Variants in PTPRK observed in about 807,000 individuals in gnomAD.
The protein encoded by PTPRK is protein tyrosine phosphatase receptor type K, also known as receptor-type tyrosine-protein phosphatase kappa.
Under a neutral mutation model 178.0 loss-of-function variants are expected in PTPRK, and 75 were observed. That is an observed-to-expected ratio of 0.42 (90% CI 0.35 to 0.51). The LOEUF is 0.51. Among genes scored for constraint, PTPRK ranks in the 20% least tolerant of loss-of-function variants. The pLI is 0.02. For synonymous variants in PTPRK, 637 were observed against 620.6 expected (o/e 1.03, Z -0.39); for missense variants, 1,441 against 1,797.8 (o/e 0.80, Z 3.59).
chr6:128,214,344 T>C (rs1808822363), intron 6 of PTPRK, among the ~76,000 whole-genome samples: 1 of 152,122 alleles, frequency 6.6e-6, no homozygotes, highest in South Asian at 2.1e-4. Flanking sequence ...GGTAACACCC[T>C]TCTCCAATAG....
chr6:128,202,543 A>C (rs1227602517), intron 6 of PTPRK, among the ~76,000 whole-genome samples: 1 of 152,154 alleles, frequency 6.6e-6, no homozygotes, highest in Non-Finnish European at 1.5e-5. Context: ...GTTGTTCTGC[A>C]GGCCCCACTT....
chr6:128,344,931 GATT>G (rs1156935698), intron 2 of PTPRK, among the ~76,000 whole-genome samples: 2 of 151,700 alleles, frequency 1.3e-5, no homozygotes, highest in East Asian at 3.9e-4. Flanking sequence ...AAAACAATTT[GATT>G]ATATGATAAA....
chr6:127,994,018 A>G (rs111973256), intron 18 of PTPRK, among the ~76,000 whole-genome samples: 121 of 151,822 alleles, frequency 8.0e-4, no homozygotes, highest in African/African-American at 2.8e-3. Flanking sequence ...AGAACTGTTG[A>G]TTTTTTTATT....
intron 3 of PTPRK, among the ~76,000 whole-genome samples, chr6:128,309,622 C>A (rs913069887): frequency 6.6e-6 from 1 of 152,042 alleles, no homozygotes; most frequent in Non-Finnish European, 1.5e-5. Flanking sequence ...TTCTCATCAG[C>A]CTCTTTGTTT....
intron 2 of PTPRK, among the ~76,000 whole-genome samples, chr6:128,358,003 G>T (rs772787809): frequency 6.6e-6 from 1 of 152,110 alleles, no homozygotes; most frequent in Non-Finnish European, 1.5e-5. Context: ...ACCCAGGATA[G>T]GCCCACTCAG....
At chr6:128,307,555 AC>A (rs1826612761) in intron 3 of PTPRK, among the ~76,000 whole-genome samples, 1 of 152,028 alleles carries the variant, frequency 6.6e-6, no homozygotes, top group African/African-American at 2.4e-5. Flanking sequence ...CCAAGCCAAG[AC>A]AAGCATGTAT....
intron 7 of PTPRK, among the ~76,000 whole-genome samples, chr6:128,177,021 G>C (rs1358360723): frequency 6.6e-6 from 1 of 151,472 alleles, no homozygotes; most frequent in African/African-American, 2.4e-5. Flanking sequence ...ATATGAATAG[G>C]GTGTGAGAAT....
intron 2 of PTPRK, among the ~76,000 whole-genome samples, chr6:128,356,400 G>C (rs771134754): frequency 6.6e-6 from 1 of 152,134 alleles, no homozygotes; most frequent in South Asian, 2.1e-4. Flanking sequence ...TCTGACAGCT[G>C]AAACTAGTTT....
chr6:128,073,719 C>T (rs565737356), intron 11 of PTPRK, among the ~76,000 whole-genome samples: 2 of 152,080 alleles, frequency 1.3e-5, no homozygotes, highest in South Asian at 4.2e-4. Flanking sequence ...ATACTTCCTC[C>T]TATTTTTGAT....
intron 3 of PTPRK, among the ~76,000 whole-genome samples, chr6:128,318,878 T>C (rs1469251596): frequency 2.0e-5 from 3 of 152,162 alleles, no homozygotes; most frequent in Non-Finnish European, 4.4e-5. Flanking sequence ...GCAATCAATT[T>C]AAGAATCTAC....
intron 6 of PTPRK, among the ~76,000 whole-genome samples, chr6:128,204,014 A>C: frequency 6.6e-6 from 1 of 152,324 alleles, no homozygotes; most frequent in East Asian, 1.9e-4. Flanking sequence ...ATACTACCCA[A>C]CTTCTAGCTA....
At chr6:128,211,103 A>G (rs931138793) in intron 6 of PTPRK, among the ~76,000 whole-genome samples, 8 of 152,142 alleles carry the variant, frequency 5.3e-5, no homozygotes, top group African/African-American at 1.9e-4. Context: ...AAGAGATGAG[A>G]ACACATCTAT....
rs371173410 is a variant in PTPRK, at chr6:128,068,337, G to C, written c.1884-545C>G. On this transcript the variant is annotated intron_variant, in intron 11 of 29. Transcript: ENST00000368226. ...ATCTACACTGGCTCAGAGCTATGTA[G>C]ATCTAAAATACAAGTGACATGCGGC... Among the ~76,000 whole-genome samples, 7 of 152,190 alleles carry C rather than the reference G, an allele frequency of 4.6e-5. No homozygotes were observed. In the South Asian group the frequency reaches 1.2e-3, roughly 27 times the overall value.
intron 7 of PTPRK, among the ~76,000 whole-genome samples, chr6:128,154,555 T>C (rs1023064265): frequency 1.3e-5 from 2 of 151,718 alleles, no homozygotes; most frequent in African/African-American, 4.8e-5. Context: ...TAGTGAGGAC[T>C]AAAAATTTTC....
chr6:128,166,771 C>T (rs1210404426), intron 7 of PTPRK, among the ~76,000 whole-genome samples: 3 of 151,650 alleles, frequency 2.0e-5, no homozygotes, highest in Non-Finnish European at 4.4e-5. Flanking sequence ...TACTTATCAA[C>T]TTAGTATTCT....
chr6:128,043,676 T>C lies in PTPRK; in HGVS notation c.2194+21082A>G, dbSNP rs528116686. ...AAAGAGAAAGATAGATGTGATATTA[T>C]AGAAACTATTTAATGTACTATTTGT... On this transcript the variant is annotated intron_variant, in intron 13 of 29. Transcript: ENST00000368226. Among the ~76,000 whole-genome samples the C allele has an allele frequency of 2.0e-3, 298 of 152,042 alleles. 2 individuals carry two copies. The highest frequency in any genetic ancestry group is 7.0e-3 in the African/African-American group (289 of 41,532).
Position 128,127,079 on chromosome 6 carries a change from T to C in PTPRK, c.1163-37087A>G, listed in dbSNP as rs987694424. Among the ~76,000 whole-genome samples, 12 of 152,204 alleles carry C rather than the reference T, an allele frequency of 7.9e-5. 1 individual carries two copies. Among genetic ancestry groups the C allele is most frequent in the Non-Finnish European group, 1.2e-4 (8 of 68,032 alleles). ...CATTGGATCATCTTTGTGTCTTTGT[T>C]ACAGAGCAGTAAACTATATTTGTAT... On this transcript the variant is annotated intron_variant, in intron 7 of 29. Transcript: ENST00000368226.
chr6:128,451,876 T>C (rs1847838895), intron 1 of PTPRK, among the ~76,000 whole-genome samples: 1 of 152,196 alleles, frequency 6.6e-6, no homozygotes, highest in South Asian at 2.1e-4. Context: ...TCTAGCTATC[T>C]ACATTATAGC....
At chr6:128,405,315 T>C (rs940615298) in intron 1 of PTPRK, among the ~76,000 whole-genome samples, 3 of 152,202 alleles carry the variant, frequency 2.0e-5, no homozygotes, top group South Asian at 2.1e-4. Context: ...TTTGAAAACA[T>C]TAAAAGCAAT....
Sources: gnomAD v4.1 joint callset for allele counts (sites outside exome capture counted in the v4.1 genomes callset) on GRCh38, gnomAD v4.1.1 for gene constraint, MANE v1.5 for transcripts, NCBI Gene and HGNC (gene_info 2026-07-23, HGNC 2026-07-21) for gene names.